The following NAA11 variants were observed in gnomAD, a reference collection of about 807,000 sequenced individuals.
The protein encoded by NAA11 is N-alpha-acetyltransferase 11.
In NAA11, 15 loss-of-function variants were observed where a neutral mutation model predicts 16.1. The observed-to-expected ratio is 0.93, with a 90% CI of 0.62 to 1.44. The LOEUF (loss-of-function observed/expected upper bound fraction) is 1.44. Ranked by LOEUF, NAA11 falls within the 40% of genes most tolerant of loss-of-function variation. The pLI is 0.00. For synonymous variants in NAA11, 122 were observed against 112.4 expected, an observed-to-expected ratio of 1.09 and a Z score of -0.54; for missense variants, 298 against 291.3, an observed-to-expected ratio of 1.02 and a Z score of -0.17.
chr4:79,288,859 C>T (rs1400466345), intron 2 of NAA11, among the ~76,000 whole-genome samples: 1 of 152,120 alleles, frequency 6.6e-6, no homozygotes, highest in Non-Finnish European at 1.5e-5. Flanking sequence ...TGGTGTATAT[C>T]CTCTGAAGAC....
intron 2 of NAA11, among the ~76,000 whole-genome samples, chr4:79,277,270 G>A (rs550008965): frequency 2.4e-4 from 36 of 152,158 alleles, no homozygotes; most frequent in African/African-American, 8.7e-4. Context: ...CCTCGCAGCC[G>A]TTATAGGTGT....
the NAA11 span, among the ~76,000 whole-genome samples, chr4:79,183,210 A>G: frequency 2.6e-5 from 4 of 152,122 alleles, no homozygotes; most frequent in African/African-American, 9.7e-5. Context: ...AGGATGAATA[A>G]TATAACTTCT....
At chr4:79,156,732 G>A in the NAA11 span, among the ~76,000 whole-genome samples, 2 of 152,122 alleles carry the variant, frequency 1.3e-5, no homozygotes, top group Admixed American at 6.5e-5. Context: ...ATTCACTATC[G>A]TACATCTGTT....
rs1298070625 is a variant in NAA11 at position 79,299,961 on chromosome 4, G to C, written c.*13-5847C>G. On this transcript the variant is annotated intron_variant and NMD_transcript_variant, in intron 1 of 2. Coordinates refer to the NAA11 transcript ENST00000511542. ...CTGAACCAGCCACCACTGCCAATGA[G>C]CTCTGGCCTGGTTCAGCTTGGTTTC... Among the ~76,000 whole-genome samples the C allele has an allele frequency of 2.6e-5, 4 of 152,172 alleles. No homozygotes were observed. The East Asian group carries it at 7.7e-4, about 29-fold the overall frequency.
rs561808406 is a variant in NAA11 at position 79,249,316 on chromosome 4, G to A, written c.*123-23046C>T. Among the ~76,000 whole-genome samples, 4 of 152,336 alleles carry A rather than the reference G, an allele frequency of 2.6e-5. No individual in the cohort carries two copies. The East Asian group carries it at 5.8e-4, about 22-fold the overall frequency. Reference sequence around the variant, plus strand: ...AATTCAGAATATGGATAGGAATGAAGATTATTGACATTCATGAGAAAGTTG... The same window carrying A: ...AATTCAGAATATGGATAGGAATGAAAATTATTGACATTCATGAGAAAGTTG... On this transcript the variant is annotated intron_variant and NMD_transcript_variant, in intron 2 of 2. Transcript: ENST00000511542.
intron 2 of NAA11, among the ~76,000 whole-genome samples, chr4:79,292,541 T>C (rs1396893205): frequency 6.6e-6 from 1 of 152,332 alleles, no homozygotes; most frequent in East Asian, 1.9e-4. Context: ...CTTCTTATGA[T>C]TGCGTATAAA....
At chr4:79,201,748 T>C in the NAA11 span, among the ~76,000 whole-genome samples, 1 of 151,726 alleles carries the variant, frequency 6.6e-6, no homozygotes, top group African/African-American at 2.4e-5. Flanking sequence ...TACTGTGAAC[T>C]TTAGGCTCAA....
At chr4:79,300,945 T>C (rs1379573265) in intron 1 of NAA11, among the ~76,000 whole-genome samples, 2 of 152,208 alleles carry the variant, frequency 1.3e-5, no homozygotes, top group Non-Finnish European at 2.9e-5. Context: ...ATGCACTCCA[T>C]GACTTTGCAG....
At chr4:79,266,739 G>C (rs992961367) in intron 2 of NAA11, among the ~76,000 whole-genome samples, 1 of 152,110 alleles carries the variant, frequency 6.6e-6, no homozygotes, top group African/African-American at 2.4e-5. Context: ...CCCATTTTGG[G>C]GGGTAAGTGA....
In NAA11 at chr4:79,287,694, GGAGA is replaced by G. The variant is rs143719268; in HGVS notation, c.*122+6307_*122+6310del. Among the ~76,000 whole-genome samples the G allele has an allele frequency of 6.9e-5, 10 of 145,984 alleles. No individual in the cohort carries two copies. In the South Asian group the frequency reaches 1.1e-3, roughly 16 times the overall value. ...GTCTGTGTGTGAGTGAGAGAAAGAG[GGAGA>G]GAGAGAGAGAGAGAGAGCACCCCTG... On this transcript the variant is annotated intron_variant and NMD_transcript_variant, in intron 2 of 2. Coordinates refer to the NAA11 transcript ENST00000511542.
chr4:79,192,222 T>C, the NAA11 span, among the ~76,000 whole-genome samples: 1 of 152,050 alleles, frequency 6.6e-6, no homozygotes, highest in East Asian at 1.9e-4. Context: ...CTGGGAAGAA[T>C]GTCATTGATA....
intron 2 of NAA11, among the ~76,000 whole-genome samples, chr4:79,280,283 A>G (rs1003728633): frequency 2.1e-5 from 3 of 145,370 alleles, no homozygotes; most frequent in Non-Finnish European, 4.5e-5. Context: ...TCCTCCAGAT[A>G]CAATGTTGGT....
At chr4:79,201,769 A>G in the NAA11 span, among the ~76,000 whole-genome samples, 1 of 151,804 alleles carries the variant, frequency 6.6e-6, no homozygotes, top group South Asian at 2.1e-4. Flanking sequence ...ATTTATTTAC[A>G]TAAAATAAAT....
At chr4:79,287,789 C>T (rs973792834) in intron 2 of NAA11, among the ~76,000 whole-genome samples, 2 of 152,070 alleles carry the variant, frequency 1.3e-5, no homozygotes, top group Non-Finnish European at 2.9e-5. Context: ...TGTTGGATAG[C>T]TGAAGTGACA....
Position 79,251,181 on chromosome 4 carries a change from T to G in NAA11, c.*123-24911A>C, listed in dbSNP as rs1235690535. 2.0e-5 allele frequency among the ~76,000 whole-genome samples: 3 copies of G among 152,216 alleles called. No homozygotes were observed. In the South Asian group the frequency reaches 6.2e-4, roughly 32 times the overall value. On this transcript the variant is annotated intron_variant and NMD_transcript_variant, in intron 2 of 2. Coordinates refer to the NAA11 transcript ENST00000511542. Reference sequence around the variant, plus strand: ...CCAAAAAGACGCATGTACCCTTATGTTCACTGCAGCACTATTAACAATAGG... The same window carrying G: ...CCAAAAAGACGCATGTACCCTTATGGTCACTGCAGCACTATTAACAATAGG...
the NAA11 span, among the ~76,000 whole-genome samples, chr4:79,190,656 A>AT: frequency 4.6e-5 from 7 of 151,716 alleles, no homozygotes; most frequent in Non-Finnish European, 7.4e-5. Flanking sequence ...TTTATTGTTT[A>AT]TTTTTTTAAA....
intron 2 of NAA11, among the ~76,000 whole-genome samples, chr4:79,277,604 A>G (rs567843219): frequency 6.6e-6 from 1 of 151,922 alleles, no homozygotes; most frequent in South Asian, 2.1e-4. Flanking sequence ...TACCTACTCC[A>G]CCCTGACTCA....
At chr4:79,181,076 G>A in the NAA11 span, among the ~76,000 whole-genome samples, 1 of 151,918 alleles carries the variant, frequency 6.6e-6, no homozygotes, top group Non-Finnish European at 1.5e-5. Context: ...ACCGGGGCGT[G>A]TTGTAGGGTG....
At chr4:79,178,032 T>C in the NAA11 span, among the ~76,000 whole-genome samples, 226 of 152,290 alleles carry the variant, frequency 1.5e-3, no homozygotes, top group Middle Eastern at 0.017. Context: ...GAGTTGAACA[T>C]TAAAAGTAAA....
Sources: allele counts gnomAD v4.1 joint callset (sites outside exome capture counted in the v4.1 genomes callset), GRCh38; gene constraint gnomAD v4.1.1; transcripts MANE v1.5; gene names NCBI Gene and HGNC (gene_info 2026-07-23, HGNC 2026-07-21).